Variants in TPTE2 observed in about 807,000 individuals in gnomAD.
TPTE2 encodes phosphatidylinositol 3,4,5-trisphosphate 3-phosphatase TPTE2.
TPTE2 carries 53 observed loss-of-function variants against 78.6 expected under a neutral mutation model. The observed-to-expected ratio is 0.67, with a 90% CI of 0.54 to 0.85. The LOEUF (loss-of-function observed/expected upper bound fraction) is 0.85, where lower values mean the gene tolerates loss of function less well. Among genes scored for constraint, TPTE2 ranks in the 40% least tolerant of loss-of-function variants. The pLI is 0.00. For missense variants in TPTE2, 461 were observed against 623.0 expected (o/e 0.74, Z 2.77); for synonymous variants, 175 against 206.2 (o/e 0.85, Z 1.30).
At chr13:19,443,328 T>C (rs867386426) in intron 13 of TPTE2, among the ~76,000 whole-genome samples, 2 of 147,896 alleles carry the variant, frequency 1.4e-5, no homozygotes, top group Admixed American at 6.7e-5. Flanking sequence ...GAATTCAACA[T>C]CCATTCATGA....
chr13:19,540,103 C>T (rs1871397594), upstream of TPTE2, among the ~76,000 whole-genome samples: 1 of 152,032 alleles, frequency 6.6e-6, no homozygotes, highest in South Asian at 2.1e-4. Flanking sequence ...GAGCTTGTGC[C>T]ATTGCACTAC....
At chr13:19,436,395 C>A (rs1197720699) in intron 14 of TPTE2, 89 bp from the exon 18 acceptor site, 3 of 1,217,280 alleles carry the variant, frequency 2.5e-6, no homozygotes, top group Non-Finnish European at 2.3e-6. Context: ...TGCCCACCTT[C>A]TTTCCTAAAG....
At chr13:19,548,763 A>T in the TPTE2 span, among the ~76,000 whole-genome samples, 2 of 151,932 alleles carry the variant, frequency 1.3e-5, no homozygotes, top group Non-Finnish European at 2.9e-5. Flanking sequence ...AAAACCCTGA[A>T]GAAGATCTAG....
At chr13:19,557,154 T>C in the TPTE2 span, among the ~76,000 whole-genome samples, 1 of 152,216 alleles carries the variant, frequency 6.6e-6, no homozygotes, top group Non-Finnish European at 1.5e-5. Flanking sequence ...AGGTACACTG[T>C]AAATGGTAGT....
chr13:19,530,553 AT>A (rs961205296), intron 1 of TPTE2, among the ~76,000 whole-genome samples: 3 of 151,512 alleles, frequency 2.0e-5, no homozygotes, highest in East Asian at 1.9e-4. Flanking sequence ...TATCATATTA[AT>A]TTTTTTTTGA....
In TPTE2 at chr13:19,497,458, C is replaced by T. The variant is rs12876551; in HGVS notation, c.12-3957G>A. On this transcript the variant is annotated intron_variant, in intron 1 of 19. Transcript: ENST00000400230. ...CAGCACGCAGCTGGAGATCTGAGAA[C>T]GGGCAGACTGCCTCCTCAAGTGGGT... Among the ~76,000 whole-genome samples, 143 of 109,878 alleles carry T rather than the reference C, an allele frequency of 1.3e-3. 1 individual carries two copies. The highest frequency in any genetic ancestry group is 4.0e-3 in the Middle Eastern group (1 of 252). 72.1% of individuals were successfully genotyped at this position (109,878 alleles called of 152,430 possible). A position where few individuals can be genotyped will look rare whatever the true frequency, so the allele number is the denominator to read the frequency against.
intron 16 of TPTE2, among the ~76,000 whole-genome samples, chr13:19,431,214 C>T (rs777072787): frequency 1.3e-5 from 2 of 151,932 alleles, no homozygotes; most frequent in Non-Finnish European, 2.9e-5. Context: ...TTTCTTCAGA[C>T]TTCTAATCAT....
At chr13:19,473,861 T>C in intron 6 of TPTE2, 53 bp downstream of exon 9, 1 of 1,470,292 alleles carries the variant, frequency 6.8e-7, no homozygotes, top group South Asian at 1.4e-5. Flanking sequence ...CCCAAAGTGC[T>C]TCTTATAAAA....
chr13:19,531,721 G>A (rs942621546), intron 1 of TPTE2, among the ~76,000 whole-genome samples: 2 of 151,964 alleles, frequency 1.3e-5, no homozygotes, highest in Non-Finnish European at 2.9e-5. Context: ...GAGGTCAGGA[G>A]GTCAAGACCA....
chr13:19,458,510 T>A (rs1878684986), intron 10 of TPTE2: 4 of 386,822 alleles, frequency 1.0e-5, no homozygotes, highest in Non-Finnish European at 1.6e-5. Flanking sequence ...CCTGGGATTC[T>A]CAAAATACTC....
chr13:19,537,754 G>C (rs754355140), upstream of TPTE2, among the ~76,000 whole-genome samples: 5 of 149,752 alleles, frequency 3.3e-5, no homozygotes, highest in South Asian at 4.3e-4. Flanking sequence ...AGGTGCCCAC[G>C]ACCATGCCCA....
chr13:19,444,506 C>T (rs2497071), intron 13 of TPTE2, among the ~76,000 whole-genome samples: 148,577 of 152,096 alleles, frequency 0.98, 72,652 homozygotes, highest in East Asian at 1. Context: ...ACCAAAAATA[C>T]GCAAGCTTTC....
chr13:19,504,434 T>G (rs1868853263), upstream of TPTE2, among the ~76,000 whole-genome samples: 1 of 152,032 alleles, frequency 6.6e-6, no homozygotes, highest in South Asian at 2.1e-4. Context: ...CTTGTAGTGT[T>G]AGCCTCACAT....
intron 6 of TPTE2, among the ~76,000 whole-genome samples, chr13:19,470,481 TTTTTGG>T (rs1231165514): frequency 1.3e-5 from 2 of 152,104 alleles, no homozygotes; most frequent in Non-Finnish European, 2.9e-5. Flanking sequence ...TATTAGCATG[TTTTTGG>T]TTTTGGTTTT....
chr13:19,527,412 C>A (rs975270111), intron 1 of TPTE2, among the ~76,000 whole-genome samples: 1 of 152,148 alleles, frequency 6.6e-6, no homozygotes, highest in African/African-American at 2.4e-5. Context: ...AACAACATAT[C>A]ATCTGTACCC....
intron 17 of TPTE2, among the ~76,000 whole-genome samples, chr13:19,428,134 G>C (rs979377272): frequency 2.0e-5 from 3 of 152,006 alleles, no homozygotes; most frequent in African/African-American, 7.2e-5. Context: ...AGAAAAAGAC[G>C]AGCAATAACA....
At chr13:19,455,910 T>A (rs898450174) in intron 10 of TPTE2, among the ~76,000 whole-genome samples, 3 of 152,148 alleles carry the variant, frequency 2.0e-5, no homozygotes, top group African/African-American at 7.2e-5. Context: ...AAAGAATGAC[T>A]ACAAAAGCCT....
Position 19,464,506 on chromosome 13 carries a change from T to C in TPTE2, c.691A>G (p.Met231Val), listed in dbSNP as rs143491494. The C allele has an allele frequency of 1.4e-4, 230 of 1,613,046 alleles. 2 individuals carry two copies. The African/African-American group carries it at 2.9e-3, about 20-fold the overall frequency. The change falls in exon 10 of 20, where the codon ATG becomes GTG. Residue 231 changes from methionine to valine, a missense_variant. Transcript: ENST00000400230. Reference sequence around the variant, plus strand: ...TGCCTTCCAGAAGATGGAAATGACATAGCAATAATACGTTCTGAAAGTCAA... The same window carrying C: ...TGCCTTCCAGAAGATGGAAATGACACAGCAATAATACGTTCTGAAAGTCAA...
At chr13:19,536,056 T>C (rs2137758127) in intron 1 of TPTE2, among the ~76,000 whole-genome samples, 1 of 152,338 alleles carries the variant, frequency 6.6e-6, no homozygotes. Flanking sequence ...CTTCCAAGCA[T>C]ATAACGAATG....
Sources: allele counts gnomAD v4.1 joint callset (sites outside exome capture counted in the v4.1 genomes callset), GRCh38; gene constraint gnomAD v4.1.1; transcripts MANE v1.5; gene names NCBI Gene and HGNC (gene_info 2026-07-23, HGNC 2026-07-21).